The following ZBTB41 variants were observed in gnomAD, a reference collection of about 807,000 sequenced individuals.
The protein encoded by ZBTB41 is zinc finger and BTB domain-containing protein 41.
Under a neutral mutation model 87.6 loss-of-function variants are expected in ZBTB41, and 42 were observed. That is an observed-to-expected ratio of 0.48 (90% CI 0.37 to 0.62). ZBTB41 has a LOEUF of 0.62. Among genes scored for constraint, ZBTB41 ranks in the 20% least tolerant of loss-of-function variants. The pLI is 0.00. For missense variants in ZBTB41, 799 were observed against 1,078.9 expected (o/e 0.74, Z 3.63); for synonymous variants, 364 against 364.0 (o/e 1.00, Z 0.00).
chr1:197,177,764 A>G (rs540161827), intron 7 of ZBTB41, among the ~76,000 whole-genome samples: 1 of 152,218 alleles, frequency 6.6e-6, no homozygotes, highest in Non-Finnish European at 1.5e-5. Flanking sequence ...AATTGCCAAA[A>G]TAAGTGTTGA....
chr1:197,184,256 T>A (rs1659828459), intron 5 of ZBTB41, among the ~76,000 whole-genome samples: 1 of 152,212 alleles, frequency 6.6e-6, no homozygotes, highest in Admixed American at 6.5e-5. Flanking sequence ...AACTGAATAC[T>A]ATGAAAGAAC....
chr1:197,161,938 AG>A (rs1260027349), intron 10 of ZBTB41, among the ~76,000 whole-genome samples: 1 of 151,966 alleles, frequency 6.6e-6, no homozygotes, highest in Non-Finnish European at 1.5e-5. Flanking sequence ...TTAAGTTTTG[AG>A]TGTTCTCTGG....
chr1:197,194,617 A>AG (rs1013341745), intron 2 of ZBTB41, among the ~76,000 whole-genome samples: 14 of 84,446 alleles, frequency 1.7e-4, no homozygotes, highest in African/African-American at 6.3e-4. Context: ...GATTTAAGCA[A>AG]GAAAAAAAAA....
At chr1:197,200,691 G>T in intron 1 of ZBTB41, 101 bp from the exon 2 acceptor site, 1 of 458,006 alleles carries the variant, frequency 2.2e-6, no homozygotes, top group East Asian at 3.3e-5. Context: ...ATAACTGAAT[G>T]ATGATAAAAT....
chr1:197,186,007 G>A (rs1460200060), intron 5 of ZBTB41, among the ~76,000 whole-genome samples: 3 of 151,950 alleles, frequency 2.0e-5, no homozygotes, highest in African/African-American at 4.8e-5. Flanking sequence ...AGATCCAGAA[G>A]AGCCAACACA....
chr1:197,194,981 T>A (rs185235599), intron 2 of ZBTB41, among the ~76,000 whole-genome samples: 81 of 152,318 alleles, frequency 5.3e-4, no homozygotes, highest in African/African-American at 1.8e-3. Flanking sequence ...GTAGGGTTTT[T>A]TCTTTGTTTT....
intron 8 of ZBTB41, among the ~76,000 whole-genome samples, chr1:197,175,327 C>T (rs1164024623): frequency 2.7e-5 from 4 of 149,408 alleles, no homozygotes; most frequent in South Asian, 2.1e-4. Context: ...ATCTTTTCCC[C>T]GCTTGGAAAA....
At position 197,155,748 on chromosome 1, in the gene ZBTB41, C is replaced by T. The variant is rs970236186; in HGVS notation, c.*3611G>A. 3.9e-5 allele frequency: 6 copies of T among 152,406 alleles called. No individual in the cohort carries two copies. The South Asian group carries it at 6.2e-4, about 16-fold the overall frequency. 9.4% of individuals were successfully genotyped at this position (152,406 alleles called of 1,614,324 possible). ...GTGTACCTATTTCATGACCTGCCAT[C>T]GCCTAAAAGGAAGTCACCTAATAAA... On this transcript the variant is annotated 3_prime_UTR_variant, in exon 11 of 11. Transcript: ENST00000367405.
At chr1:197,165,969 T>TGCCTC (rs1659334786) in intron 10 of ZBTB41, among the ~76,000 whole-genome samples, 1 of 151,278 alleles carries the variant, frequency 6.6e-6, no homozygotes, top group African/African-American at 2.4e-5. Context: ...GGTGGGGCGT[T>TGCCTC]GCCTCACTGA....
rs1659072559 is a variant in ZBTB41 at position 197,156,525 on chromosome 1, T to C, written c.*2834A>G. On this transcript the variant is annotated 3_prime_UTR_variant, in exon 11 of 11. Coordinates refer to ENST00000367405, the MANE Select transcript of ZBTB41 (RefSeq NM_194314.3). ...ATTTTAAGTACAGTTACAAAATAAATGGATTAGAGTTATAGAGCATTTGTC... is the reference window on the plus strand; with the variant it reads ...ATTTTAAGTACAGTTACAAAATAAACGGATTAGAGTTATAGAGCATTTGTC... The C allele has an allele frequency of 6.6e-6, 1 of 152,274 alleles. No individual in the cohort carries two copies. Among genetic ancestry groups the C allele is most frequent in the South Asian group, 2.1e-4 (1 of 4,832 alleles). 9.4% of individuals were successfully genotyped at this position (152,274 alleles called of 1,614,324 possible).
At chr1:197,163,365 AAGAC>A (rs1659244001) in intron 10 of ZBTB41, among the ~76,000 whole-genome samples, 1 of 152,164 alleles carries the variant, frequency 6.6e-6, no homozygotes, top group Non-Finnish European at 1.5e-5. Context: ...TTATATATAT[AAGAC>A]TGGGACATCA....
intron 2 of ZBTB41, among the ~76,000 whole-genome samples, chr1:197,192,611 G>A (rs1360838064): frequency 1.3e-5 from 2 of 151,882 alleles, no homozygotes. Context: ...CCAAGCAAAA[G>A]GCAATAAAAA....
chr1:197,195,133 A>C (rs879919417), intron 2 of ZBTB41, among the ~76,000 whole-genome samples: 1 of 152,356 alleles, frequency 6.6e-6, no homozygotes, highest in Non-Finnish European at 1.5e-5. Context: ...AAAACTTATC[A>C]AAGTTTCAAT....
At position 197,197,822 on chromosome 1, in the gene ZBTB41, T is replaced by C. The variant is rs1186438236; in HGVS notation, c.1120+1532A>G. On this transcript the variant is annotated intron_variant, in intron 2 of 10. Transcript: ENST00000367405. ...CAGTTAAAACCGATTGTGAATTACG[T>C]AGTTCCCAATCTTACTTGAACACAG... 3.3e-5 allele frequency among the ~76,000 whole-genome samples: 5 copies of C among 152,344 alleles called. No individual in the cohort carries two copies. The East Asian group carries it at 9.6e-4, about 29-fold the overall frequency.
intron 5 of ZBTB41, among the ~76,000 whole-genome samples, chr1:197,186,660 A>G (rs137877568): frequency 0.014 from 2,097 of 152,228 alleles, 44 homozygotes; most frequent in African/African-American, 0.048. Flanking sequence ...TCAGGAGTTC[A>G]AGACCAGCCT....
Position 197,178,555 on chromosome 1 carries a change from ATATAG to A in ZBTB41, c.1677-48_1677-44del, listed in dbSNP as rs746292959. The A allele has an allele frequency of 1.3e-5, 18 of 1,369,490 alleles. No individual in the cohort carries two copies. The East Asian group carries it at 3.8e-4, about 29-fold the overall frequency. 84.8% of individuals were successfully genotyped at this position (1,369,490 alleles called of 1,614,324 possible). The stretch of plus-strand genomic sequence containing the variant: ...GATTCGAGATTTTTTAAATGCCTAT[ATATAG>A]TAAATAGATTTCTGGAAAACTTACT... On this transcript the variant is annotated intron_variant, in intron 6 of 10. Coordinates refer to ENST00000367405, the MANE Select transcript of ZBTB41 (RefSeq NM_194314.3).
chr1:197,166,608 G>A (rs981231437), intron 10 of ZBTB41, among the ~76,000 whole-genome samples: 3 of 152,018 alleles, frequency 2.0e-5, no homozygotes, highest in Admixed American at 2.0e-4. Flanking sequence ...CACTTTGGGA[G>A]GCCGAGGTGG....
chr1:197,196,842 C>A lies in ZBTB41; in HGVS notation c.1120+2512G>T, dbSNP rs563371845. ...AATGCCTTTGCACATGCTGGTCCTT[C>A]TGTCTTGTAAACTGTTCCCTATTCT... On this transcript the variant is annotated intron_variant, in intron 2 of 10. Transcript: ENST00000367405. Among the ~76,000 whole-genome samples the A allele has an allele frequency of 3.9e-5, 6 of 152,282 alleles. No individual in the cohort carries two copies. In the East Asian group the frequency reaches 1.2e-3, roughly 29 times the overall value.
chr1:197,190,979 G>C, intron 3 of ZBTB41, 148 bp from the exon 4 acceptor site: 1 of 511,048 alleles, frequency 2.0e-6, no homozygotes, highest in Non-Finnish European at 3.4e-6. Flanking sequence ...TCTTTAAGAA[G>C]GTATCATTAT....
Sources: gnomAD v4.1 joint callset for allele counts (sites outside exome capture counted in the v4.1 genomes callset) on GRCh38, gnomAD v4.1.1 for gene constraint, MANE v1.5 for transcripts, NCBI Gene and HGNC (gene_info 2026-07-23, HGNC 2026-07-21) for gene names.